Variants in TAB1 observed in about 807,000 individuals in gnomAD.
The protein encoded by TAB1 is TGF-beta-activated kinase 1 and MAP3K7-binding protein 1.
A neutral mutation model predicts 54.5 loss-of-function variants in TAB1; 30 were observed. The ratio of observed to expected loss-of-function variants is 0.55; its 90% CI spans 0.41 to 0.75. The LOEUF is 0.75. Among genes scored for constraint, TAB1 ranks in the 30% least tolerant of loss-of-function variants. The pLI, the probability that TAB1 is intolerant of heterozygous loss-of-function variation, is 0.00. For missense variants in TAB1, 609 were observed against 683.2 expected, an observed-to-expected ratio of 0.89 and a Z score of 1.21; for synonymous variants, 289 against 286.9, an observed-to-expected ratio of 1.01 and a Z score of -0.07.
intron 1 of TAB1, among the ~76,000 whole-genome samples, chr22:39,404,839 G>A (rs1960195627): frequency 6.6e-6 from 1 of 152,206 alleles, no homozygotes; most frequent in Non-Finnish European, 1.5e-5. Context: ...ACGACATGGA[G>A]AACCTTCAAT....
At chr22:39,433,173 C>A (rs962025110), downstream of TAB1, 1 of 985,414 alleles carries the variant, frequency 1.0e-6, no homozygotes, top group East Asian at 1.1e-4. Flanking sequence ...CAGTCTCGGC[C>A]GGGCGCGGTG....
chr22:39,417,600 G>A (rs910584826), intron 4 of TAB1, 111 bp from the exon 5 acceptor site: 3 of 1,116,466 alleles, frequency 2.7e-6, no homozygotes, highest in Non-Finnish European at 3.7e-6. Flanking sequence ...TAGCCTGGGG[G>A]ACACAGCGAG....
intron 5 of TAB1, among the ~76,000 whole-genome samples, chr22:39,418,453 T>C (rs144952239): frequency 6.6e-6 from 1 of 152,330 alleles, no homozygotes; most frequent in African/African-American, 2.4e-5. Context: ...TGCCAGACAC[T>C]GTATCATGTT....
At chr22:39,401,893 C>A (rs1037206311) in intron 1 of TAB1, among the ~76,000 whole-genome samples, 1 of 152,132 alleles carries the variant, frequency 6.6e-6, no homozygotes, top group Non-Finnish European at 1.5e-5. Context: ...AGCTCAGACA[C>A]CTGCATTCAG....
At chr22:39,435,973 C>T (rs1927767766), downstream of TAB1, among the ~76,000 whole-genome samples, 1 of 152,112 alleles carries the variant, frequency 6.6e-6, no homozygotes, top group Non-Finnish European at 1.5e-5. Context: ...GTTTACAGCT[C>T]AGCTTTTTAA....
chr22:39,420,819 T>TGTGTGTG lies in TAB1; in HGVS notation c.777-1008_777-1007insGTGTGTG, dbSNP rs1406446293. 5.4e-3 allele frequency among the ~76,000 whole-genome samples: 138 copies of TGTGTGTG among 25,428 alleles called. 7 individuals are homozygous for TGTGTGTG. The highest frequency in any genetic ancestry group is 0.012 in the South Asian group (9 of 774). The allele number at this position is 25,428 out of a possible 152,430, so 16.7% of individuals were successfully genotyped here. On this transcript the variant is annotated intron_variant, in intron 7 of 10. Transcript: ENST00000216160. ...TGTGTGTGTGTGTGTGTGTGTGTGT[T>TGTGTGTG]TGTCCTGGGGGCCAAGGAGCCTGCA...
At chr22:39,435,673 A>G (rs923725479), downstream of TAB1, among the ~76,000 whole-genome samples, 7 of 152,088 alleles carry the variant, frequency 4.6e-5, no homozygotes, top group Non-Finnish European at 5.9e-5. Context: ...CTTCCCCACC[A>G]CCACCCTGAC....
chr22:39,425,671 C>T (rs1310734967), intron 8 of TAB1, among the ~76,000 whole-genome samples: 3 of 151,690 alleles, frequency 2.0e-5, no homozygotes, highest in Non-Finnish European at 4.4e-5. Flanking sequence ...CTCAGCCTCC[C>T]GAGTAGCTGG....
chr22:39,416,690 G>A, intron 3 of TAB1, 101 bp from the exon 4 acceptor site: 4 of 1,135,262 alleles, frequency 3.5e-6, no homozygotes, highest in Non-Finnish European at 1.3e-6. Context: ...AGAACCTGCA[G>A]TGAAGACAGC....
chr22:39,419,471 C>T (rs369565356), intron 6 of TAB1, 48 bp from the exon 7 acceptor site: 5 of 1,467,444 alleles, frequency 3.4e-6, no homozygotes, highest in Admixed American at 3.7e-5. Flanking sequence ...TCTTTTTGTT[C>T]CTCTTTGTGA....
chr22:39,403,422 GC>G (rs903243638), intron 1 of TAB1, among the ~76,000 whole-genome samples: 34 of 152,210 alleles, frequency 2.2e-4, no homozygotes, highest in African/African-American at 8.0e-4. Flanking sequence ...TGCAAAGGCT[GC>G]TGTTTCAGGA....
downstream of TAB1, chr22:39,432,904 G>A (rs960873827): frequency 1.0e-5 from 10 of 985,314 alleles, no homozygotes; most frequent in South Asian, 1.4e-4. Context: ...GGGGAAGCTC[G>A]GGAATGGGTT....
At position 39,430,204 on chromosome 22, in the gene TAB1, C is replaced by A. The variant is rs142052623; in HGVS notation, c.1497C>A (p.Ser499Arg). 7 of 1,612,970 alleles carry A rather than the reference C, an allele frequency of 4.3e-6. No individual in the cohort carries two copies. Among genetic ancestry groups the A allele is most frequent in the Admixed American group, 3.3e-5 (2 of 60,030 alleles). The change falls in exon 11 of 11, where the codon AGC becomes AGA. Residue 499 changes from serine to arginine, a missense_variant. Physicochemically the swap from Ser to Arg is moderately radical, Grantham distance 110. Transcript: ENST00000216160. The stretch of plus-strand genomic sequence containing the variant: ...GGAGCGTGGACCATGGCGAGCAGAG[C>A]GTGGTGACAGCACCGTAGGGCAGCC... ...RLWSVDHGEQ[S>R]VVTAP
At chr22:39,434,323 T>G (rs1418955076), downstream of TAB1, among the ~76,000 whole-genome samples, 1 of 152,162 alleles carries the variant, frequency 6.6e-6, no homozygotes, top group Non-Finnish European at 1.5e-5. Flanking sequence ...AGGTACCGGG[T>G]CGATGCTACC....
At chr22:39,411,699 A>G (rs186106813) in intron 1 of TAB1, among the ~76,000 whole-genome samples, 4 of 152,372 alleles carry the variant, frequency 2.6e-5, no homozygotes, top group South Asian at 2.1e-4. Context: ...TATACTTACC[A>G]TATGAGCCAG....
At chr22:39,420,244 A>T (rs2145673323) in intron 7 of TAB1, among the ~76,000 whole-genome samples, 1 of 152,300 alleles carries the variant, frequency 6.6e-6, no homozygotes, top group South Asian at 2.1e-4. Context: ...AGGCCCCCTG[A>T]GGCAGTCACT....
At chr22:39,424,137 G>A (rs950271292) in intron 8 of TAB1, among the ~76,000 whole-genome samples, 2 of 152,132 alleles carry the variant, frequency 1.3e-5, no homozygotes, top group African/African-American at 4.8e-5. Flanking sequence ...TAGAATAATG[G>A]CCTTCATCTC....
intron 1 of TAB1, among the ~76,000 whole-genome samples, chr22:39,404,824 G>A (rs535885314): frequency 1.3e-4 from 20 of 152,272 alleles, no homozygotes; most frequent in African/African-American, 4.8e-4. Flanking sequence ...GAGCTCTTTA[G>A]GATGACGACA....
In TAB1 at chr22:39,430,104, C is replaced by T. The variant is rs774809289; in HGVS notation, c.1397C>T (p.Pro466Leu). 10 of 1,614,068 alleles carry T rather than the reference C, an allele frequency of 6.2e-6. No homozygotes were observed. In the Middle Eastern group the frequency reaches 5.0e-4, roughly 80 times the overall value. ...GACGGAGGCCTCTTCCGCTCCCGGC[C>T]CGCCCACTCGCTCCCGCCTGGCGAG... ...SSDGGLFRSR[P>L]AHSLPPGEDG... Residue 466 changes from proline (P) to leucine (L), a missense_variant, in exon 11 of 11, where the codon CCC becomes CTC. By Grantham distance (98) the Pro-to-Leu change is moderately conservative. Transcript: ENST00000216160.
Sources: gnomAD v4.1 joint callset for allele counts (sites outside exome capture counted in the v4.1 genomes callset) on GRCh38, gnomAD v4.1.1 for gene constraint, MANE v1.5 for transcripts, NCBI Gene and HGNC (gene_info 2026-07-23, HGNC 2026-07-21) for gene names.